BTNL3: variants seen among roughly 807,000 people sequenced by gnomAD.
BTNL3 encodes butyrophilin-like protein 3.
Under a neutral mutation model 40.1 loss-of-function variants are expected in BTNL3, and 20 were observed. The observed-to-expected ratio is 0.50, with a 90% CI of 0.35 to 0.72. BTNL3 has a LOEUF of 0.72. Among genes scored for constraint, BTNL3 ranks in the 30% least tolerant of loss-of-function variants. The probability of loss-of-function intolerance (pLI) is 0.01; values close to 1 mark genes in which losing one functional copy is unlikely to be tolerated. For missense variants in BTNL3, 449 were observed against 582.2 expected (o/e 0.77, Z 2.35); for synonymous variants, 179 against 222.1 (o/e 0.81, Z 1.73).
At position 181,006,084 on chromosome 5, in the gene BTNL3, C is replaced by T; in HGVS notation, c.*212C>T. The T allele has an allele frequency of 1.9e-6, 1 of 538,214 alleles. No homozygotes were observed. The highest frequency in any genetic ancestry group is 3.2e-6 in the Non-Finnish European group (1 of 316,870). The allele number at this position is 538,214 out of a possible 1,614,324, so 33.3% of individuals were successfully genotyped here. On this transcript the variant is annotated 3_prime_UTR_variant, in exon 8 of 8. Coordinates refer to ENST00000342868, the MANE Select transcript of BTNL3 (RefSeq NM_197975.3). ...CCAGATGAGGGGGGATTGGCCTGAC[C>T]CTGTGGGAGTCAGAAGCCATGGCTG...
In BTNL3 at chr5:180,993,147, G is replaced by A. The variant is rs748658792; in HGVS notation, c.384G>A (p.Glu128=). Residue 128 remains glutamate, a synonymous_variant, in exon 2 of 8, where the codon GAG becomes GAA. Coordinates refer to ENST00000342868, the MANE Select transcript of BTNL3 (RefSeq NM_197975.3). ...SQIYDEEATW[E]LRVAALGSLP... is the part of the protein sequence containing the mutation. ...TTTACGATGAGGAGGCCACCTGGGA[G>A]CTGCGGGTGGCAGGTCAGTTGTTTA... 25 of 1,438,174 alleles carry A rather than the reference G, an allele frequency of 1.7e-5. 5 individuals carry two copies. In the East Asian group the frequency reaches 5.5e-4, roughly 32 times the overall value. The allele number at this position is 1,438,174 out of a possible 1,614,324, so 89.1% of individuals were successfully genotyped here.
rs1378732773 is a variant in BTNL3, at chr5:180,993,053, T to C, written c.290T>C (p.Val97Ala). ...AAGGACTCCATTGCAGGGGGGCGTG[T>C]CTCTCTAAGGCTAAAAAACATCACT... is the stretch of plus-strand genomic sequence containing the variant. ...FVKDSIAGGR[V>A]SLRLKNITPS... The change falls in exon 2 of 8, where the codon GTC (valine) becomes GCC (alanine). Residue 97 changes from valine to alanine, a missense_variant. By Grantham distance (64) the Val-to-Ala change is moderately conservative (BLOSUM62 0). Around this residue, in one of 2 missense-constraint regions of BTNL3, gnomAD observed 323 missense variants for 464.9 expected, o/e 0.69. Coordinates refer to ENST00000342868, the MANE Select transcript of BTNL3 (RefSeq NM_197975.3). 1 of 1,456,068 alleles carries C rather than the reference T, an allele frequency of 6.9e-7. No homozygotes were observed. The highest frequency in any genetic ancestry group is 1.4e-5 in the African/African-American group (1 of 72,326). 90.2% of individuals were successfully genotyped at this position (1,456,068 alleles called of 1,614,324 possible). A position where few individuals can be genotyped will look rare whatever the true frequency, so the allele number is the denominator to read the frequency against.
At chr5:181,004,580 G>A (rs746007917) in intron 6 of BTNL3, 137 bp downstream of exon 6, 231 of 1,551,618 alleles carry the variant, frequency 1.5e-4, no homozygotes, top group Non-Finnish European at 1.9e-4. Context: ...AGATTCTGGG[G>A]GAGGTGCATT....
At chr5:180,998,816 A>C (rs1380271864) in intron 3 of BTNL3, among the ~76,000 whole-genome samples, 1 of 137,748 alleles carries the variant, frequency 7.3e-6, no homozygotes, top group Admixed American at 7.6e-5. Flanking sequence ...AATAGAACTA[A>C]TATAGTTTTC....
At chr5:181,005,187 C>T in intron 7 of BTNL3, 147 bp from the exon 8 acceptor site, 1 of 1,404,524 alleles carries the variant, frequency 7.1e-7, no homozygotes. Context: ...ACGGGGGCTG[C>T]CCTGGAGAAG....
chr5:180,996,269 C>T lies in BTNL3; in HGVS notation c.398-944C>T, dbSNP rs542652061. 1.4e-4 allele frequency among the ~76,000 whole-genome samples: 19 copies of T among 136,846 alleles called. 3 individuals carry two copies. Among genetic ancestry groups the T allele is most frequent in the African/African-American group, 4.8e-4 (19 of 39,824 alleles). The allele number at this position is 136,846 out of a possible 152,430, so 89.8% of individuals were successfully genotyped here. ...CCTCTCAAATAGATTCTGCACCTGC[C>T]GTTCCCCTTCTCAGAGCCCTCCTCC... On this transcript the variant is annotated intron_variant, in intron 2 of 7. Transcript: ENST00000342868.
chr5:181,005,926 A>T lies in BTNL3; in HGVS notation c.*54A>T. The T allele has an allele frequency of 6.6e-7, 1 of 1,506,272 alleles. No individual in the cohort carries two copies. Among genetic ancestry groups the T allele is most frequent in the East Asian group, 2.3e-5 (1 of 43,350 alleles). 93.3% of individuals were successfully genotyped at this position (1,506,272 alleles called of 1,614,324 possible). A position where few individuals can be genotyped will look rare whatever the true frequency, so the allele number is the denominator to read the frequency against. On this transcript the variant is annotated 3_prime_UTR_variant, in exon 8 of 8. Transcript: ENST00000342868. ...CACACCACAGACCCAGACACAGCCA[A>T]GGGAGAGTGCTCCCGACAGGTGGCC...
Position 180,991,763 on chromosome 5 carries a change from C to G in BTNL3, c.50-1050C>G, listed in dbSNP as rs554499808. Among the ~76,000 whole-genome samples the G allele has an allele frequency of 4.9e-4, 67 of 136,126 alleles. 10 individuals are homozygous for G. Among genetic ancestry groups the G allele is most frequent in the African/African-American group, 1.7e-3 (67 of 39,562 alleles). 89.3% of individuals were successfully genotyped at this position (136,126 alleles called of 152,430 possible). On this transcript the variant is annotated intron_variant, in intron 1 of 7. Transcript: ENST00000342868. ...TATGTCACTTGCAGCAAGATGAAGA[C>G]AGTTTCAAGTGAAGATCAAGACAAA...
chr5:181,002,863 C>G lies in BTNL3; in HGVS notation c.787+78C>G. On this transcript the variant is annotated intron_variant, in intron 4 of 7. Transcript: ENST00000342868. ...GCTGATATCAGGCTGCCCTCACACACCTCTGGGCTCTGCTCTTCCAGCCCT... is the reference window on the plus strand; with the variant it reads ...GCTGATATCAGGCTGCCCTCACACAGCTCTGGGCTCTGCTCTTCCAGCCCT... The G allele has an allele frequency of 6.5e-6, 9 of 1,383,028 alleles. 3 individuals carry two copies. Among genetic ancestry groups the G allele is most frequent in the Non-Finnish European group, 9.0e-6 (9 of 1,001,070 alleles). 85.7% of individuals were successfully genotyped at this position (1,383,028 alleles called of 1,614,324 possible). A position where few individuals can be genotyped will look rare whatever the true frequency, so the allele number is the denominator to read the frequency against.
At chr5:180,996,048 C>T (rs1273680065) in intron 2 of BTNL3, among the ~76,000 whole-genome samples, 3 of 136,204 alleles carry the variant, frequency 2.2e-5, no homozygotes, top group African/African-American at 7.6e-5. Context: ...TTATTAGGCT[C>T]CATGCACTGA....
chr5:180,994,352 CAGATAT>C lies in BTNL3; in HGVS notation c.397+1196_397+1201del, dbSNP rs1320230123. Among the ~76,000 whole-genome samples, 7 of 136,728 alleles carry C rather than the reference CAGATAT, an allele frequency of 5.1e-5. 1 individual carries two copies. The highest frequency in any genetic ancestry group is 7.5e-5 in the African/African-American group (3 of 39,772). 89.7% of individuals were successfully genotyped at this position (136,728 alleles called of 152,430 possible). On this transcript the variant is annotated intron_variant, in intron 2 of 7. Transcript: ENST00000342868. ...CTTTATTTGTGAATAATGGTTTTGC[CAGATAT>C]AGAATTTCTGAGTTTCTTGATGGTT... is the stretch of plus-strand genomic sequence containing the variant.
rs562947022 is a variant in BTNL3 at position 181,001,224 on chromosome 5, C to A, written c.674-1448C>A. 1.6e-4 allele frequency among the ~76,000 whole-genome samples: 22 copies of A among 136,932 alleles called. 1 individual carries two copies. Among genetic ancestry groups the A allele is most frequent in the African/African-American group, 5.3e-4 (21 of 39,852 alleles). 89.8% of individuals were successfully genotyped at this position (136,932 alleles called of 152,430 possible). On this transcript the variant is annotated intron_variant, in intron 3 of 7. Transcript: ENST00000342868. ...ATAACACCTTTCAGATAAGAAGATG[C>A]ATGTTTTTAAAGATACCAGTTCTCC...
chr5:180,990,938 T>C (rs1759960885), intron 1 of BTNL3, among the ~76,000 whole-genome samples: 1 of 137,264 alleles, frequency 7.3e-6, no homozygotes, highest in African/African-American at 2.5e-5. Context: ...CTGCTTCCTG[T>C]TCCCCACTGG....
In BTNL3 at chr5:181,005,333, G is replaced by C. The variant is rs771944439; in HGVS notation, c.863-1G>C. The C allele has an allele frequency of 6.2e-7, 1 of 1,610,920 alleles. No homozygotes were observed. Among genetic ancestry groups the C allele is most frequent in the East Asian group, 2.2e-5 (1 of 44,836 alleles). On this transcript the variant is annotated splice_acceptor_variant, in intron 7 of 7. Transcript: ENST00000342868. LOFTEE classifies it high-confidence loss of function. Reference sequence around the variant, plus strand: ...TTCCTCTCTCCCCCACCGCACCCCAGTGGAGGTGACTCTGGATCCAGAGAC... The same window carrying C: ...TTCCTCTCTCCCCCACCGCACCCCACTGGAGGTGACTCTGGATCCAGAGAC...
chr5:180,997,548 C>CAGCA lies in BTNL3; in HGVS notation c.673+61_673+64dup. ...TGTGCATACGTAACCCAGGGTAGAGCAGCAGCTTGTGTCTGGGATTGTTGT... is the reference window on the plus strand; with the variant it reads ...TGTGCATACGTAACCCAGGGTAGAGCAGCAAGCAGCTTGTGTCTGGGATTGTTGT... On this transcript the variant is annotated intron_variant, in intron 3 of 7. Coordinates refer to ENST00000342868, the MANE Select transcript of BTNL3 (RefSeq NM_197975.3). 2.8e-6 allele frequency: 4 copies of CAGCA among 1,451,286 alleles called. 1 individual carries two copies. In the South Asian group the frequency reaches 4.6e-5, roughly 17 times the overall value. 89.9% of individuals were successfully genotyped at this position (1,451,286 alleles called of 1,614,324 possible).
At chr5:181,002,098 T>C (rs903235056) in intron 3 of BTNL3, among the ~76,000 whole-genome samples, 2 of 133,568 alleles carry the variant, frequency 1.5e-5, no homozygotes, top group Admixed American at 8.1e-5. Flanking sequence ...CTTAGTCTTA[T>C]CTCAGAGACA....
At chr5:180,995,660 T>G (rs2113078785) in intron 2 of BTNL3, among the ~76,000 whole-genome samples, 1 of 136,812 alleles carries the variant, frequency 7.3e-6, no homozygotes, top group East Asian at 2.2e-4. Context: ...TGGGAAAAAG[T>G]ACTCTTCCCC....
rs190241385 is a variant in BTNL3 at position 180,992,755 on chromosome 5, G to A, written c.50-58G>A. 3.1e-4 allele frequency: 449 copies of A among 1,443,662 alleles called. 62 individuals are homozygous for A. The African/African-American group carries it at 5.1e-3, about 16-fold the overall frequency. 89.4% of individuals were successfully genotyped at this position (1,443,662 alleles called of 1,614,324 possible). On this transcript the variant is annotated intron_variant, in intron 1 of 7. Coordinates refer to ENST00000342868, the MANE Select transcript of BTNL3 (RefSeq NM_197975.3). ...ACCCCACACTTCTCCACCCACCAGA[G>A]CCCTGAGAAGGACTCAAGTGGATTT...
At chr5:180,996,911 C>G (rs914898273) in intron 2 of BTNL3, among the ~76,000 whole-genome samples, 4 of 137,038 alleles carry the variant, frequency 2.9e-5, no homozygotes, top group African/African-American at 1.0e-4. Flanking sequence ...GTCTTATTCA[C>G]TGCATCCTAT....
Sources: gnomAD v4.1 joint callset for allele counts (sites outside exome capture counted in the v4.1 genomes callset) on GRCh38, gnomAD v4.1.1 for gene constraint, gnomAD v4.1.1 regional missense constraint, MANE v1.5 for transcripts, NCBI Gene and HGNC (gene_info 2026-07-23, HGNC 2026-07-21) for gene names.